SECISBP2L: variants seen among roughly 807,000 people sequenced by gnomAD.
SECISBP2L encodes the protein selenocysteine insertion sequence-binding protein 2-like.
In SECISBP2L, 43 loss-of-function variants were observed where a neutral mutation model predicts 114.7. The ratio of observed to expected loss-of-function variants is 0.38; its 90% confidence interval spans 0.29 to 0.48. The LOEUF (loss-of-function observed/expected upper bound fraction) is 0.48. Ranked by LOEUF, SECISBP2L falls within the 20% of genes least tolerant of loss-of-function variation. The pLI, the probability that SECISBP2L is intolerant of heterozygous loss-of-function variation, is 0.98. For synonymous variants in SECISBP2L, 451 were observed against 439.7 expected, an observed-to-expected ratio of 1.03 and a Z score of -0.32; for missense variants, 1,136 against 1,301.1, an observed-to-expected ratio of 0.87 and a Z score of 1.95.
chr15:49,018,895 T>C (rs775937026), intron 8 of SECISBP2L, among the ~76,000 whole-genome samples: 1 of 152,180 alleles, frequency 6.6e-6, no homozygotes, highest in Admixed American at 6.5e-5. Flanking sequence ...TTCACCTTAA[T>C]GTATCATTCA....
At chr15:49,033,827 G>GTCAA (rs141119807) in intron 3 of SECISBP2L, among the ~76,000 whole-genome samples, 195 of 152,174 alleles carry the variant, frequency 1.3e-3, no homozygotes, top group Admixed American at 2.6e-3. Context: ...GACCGACCCT[G>GTCAA]TCAATCAATC....
intron 13 of SECISBP2L, among the ~76,000 whole-genome samples, chr15:49,010,498 T>G (rs529369833): frequency 2.0e-5 from 3 of 152,056 alleles, no homozygotes; most frequent in East Asian, 1.9e-4. Flanking sequence ...CACATGGTGT[T>G]TTTTTTTGGT....
In SECISBP2L at chr15:48,991,998, A is replaced by G. The variant is rs186993845; in HGVS notation, c.*246T>C. 4 of 379,108 alleles carry G rather than the reference A, an allele frequency of 1.1e-5. No individual in the cohort carries two copies. The highest frequency in any genetic ancestry group is 4.1e-5 in the African/African-American group (2 of 48,642). 23.5% of individuals were successfully genotyped at this position (379,108 alleles called of 1,614,324 possible). ...TTCTTTAAGATCTGGTCTTCTTTTT[A>G]TCACTGTTTTTGATTACAAAATAAG... On this transcript the variant is annotated 3_prime_UTR_variant, in exon 18 of 18. Coordinates refer to ENST00000559471, the MANE Select transcript of SECISBP2L (RefSeq NM_001193489.2).
chr15:49,035,541 T>C lies in SECISBP2L; in HGVS notation c.321A>G (p.Thr107=), dbSNP rs771215325. 1.9e-6 allele frequency: 3 copies of C among 1,614,202 alleles called. No homozygotes were observed. The highest frequency in any genetic ancestry group is 1.7e-6 in the Non-Finnish European group (2 of 1,180,020). ...SAQPPVSTEY[T]YYQLMPAPCA... is the part of the protein sequence containing the mutation. The stretch of plus-strand genomic sequence containing the variant: ...ATGGTGCTGGCATCAGCTGATAATA[T>C]GTATACTCTGTAGAAACAGGCGGCT... Residue 107 remains threonine (T), a synonymous_variant, in exon 3 of 18, where the codon ACA becomes ACG. Coordinates refer to ENST00000559471, the MANE Select transcript of SECISBP2L (RefSeq NM_001193489.2).
chr15:49,021,859 G>A (rs373775905), intron 7 of SECISBP2L, among the ~76,000 whole-genome samples: 3 of 152,136 alleles, frequency 2.0e-5, no homozygotes, highest in African/African-American at 4.8e-5. Flanking sequence ...ACCTCAGGAC[G>A]TCGAAATACT....
Position 49,028,668 on chromosome 15 carries a change from T to C in SECISBP2L, c.679A>G (p.Ile227Val), listed in dbSNP as rs749789471. The change falls in exon 5 of 18, where the codon ATC becomes GTC. Residue 227 changes from isoleucine (I) to valine (V), a missense_variant. Ile to Val is a conservative substitution (Grantham distance 29, BLOSUM62 3). Coordinates refer to ENST00000559471, the MANE Select transcript of SECISBP2L (RefSeq NM_001193489.2). ...GTCTCTGAGAGAGACTTGTTAGCGA[T>C]ATCTGATGGGAAATCTACAAAGGCA... ...ASQQTDFPSD[I>V]ANKSLSETTA... 3.7e-6 allele frequency: 6 copies of C among 1,613,934 alleles called. No homozygotes were observed. The Admixed American group carries it at 6.7e-5, about 18-fold the overall frequency.
intron 7 of SECISBP2L, among the ~76,000 whole-genome samples, chr15:49,021,284 G>A (rs1467914089): frequency 6.6e-6 from 1 of 152,060 alleles, no homozygotes; most frequent in African/African-American, 2.4e-5. Context: ...TTGTTTATAA[G>A]TCACTGAGTC....
chr15:49,010,434 A>C (rs1372751344), intron 13 of SECISBP2L, among the ~76,000 whole-genome samples: 2 of 152,110 alleles, frequency 1.3e-5, no homozygotes, highest in Non-Finnish European at 2.9e-5. Flanking sequence ...TAAACAGCTA[A>C]ACTCAGGAAA....
chr15:49,032,443 T>C (rs1330666729), intron 4 of SECISBP2L, among the ~76,000 whole-genome samples: 1 of 152,224 alleles, frequency 6.6e-6, no homozygotes, highest in Non-Finnish European at 1.5e-5. Flanking sequence ...TGTACAGTCC[T>C]CTAAAAATTT....
chr15:48,992,377 A>C lies in SECISBP2L; in HGVS notation c.3173T>G (p.Val1058Gly), dbSNP rs1243437837. Residue 1058 changes from valine (V) to glycine (G), a missense_variant, in exon 18 of 18, where the codon GTG (valine) becomes GGG (glycine). Coordinates refer to ENST00000559471, the MANE Select transcript of SECISBP2L (RefSeq NM_001193489.2). ...SGEEEAEAPE[V>G]LEPGMDSEAW... ...CTCACTGTCCATCCCTGGCTCCAGC[A>C]CCTCAGGCGCCTCTGCTTCCTCTTC... 1 of 1,613,948 alleles carries C rather than the reference A, an allele frequency of 6.2e-7. No individual in the cohort carries two copies.
At chr15:49,040,935 T>C (rs1903115949) in intron 1 of SECISBP2L, among the ~76,000 whole-genome samples, 1 of 150,854 alleles carries the variant, frequency 6.6e-6, no homozygotes, top group East Asian at 2.0e-4. Context: ...TATATTATTA[T>C]ACAAATAAAA....
chr15:49,027,614 T>A, intron 6 of SECISBP2L, 134 bp from the exon 7 acceptor site: 3 of 476,950 alleles, frequency 6.3e-6, no homozygotes, highest in East Asian at 3.4e-5. Context: ...CTTATTATTT[T>A]TTTTTTTTTT....
intron 14 of SECISBP2L, 100 bp from the exon 15 acceptor site, chr15:49,001,197 TAAG>T (rs1902200792): frequency 1.3e-6 from 1 of 741,402 alleles, no homozygotes; most frequent in Non-Finnish European, 2.1e-6. Flanking sequence ...ATATATATGG[TAAG>T]AAGTTTTCAT....
At position 49,011,716 on chromosome 15, in the gene SECISBP2L, G is replaced by A. The variant is rs201309682; in HGVS notation, c.1864+15C>T. 4 of 1,613,446 alleles carry A rather than the reference G, an allele frequency of 2.5e-6. No homozygotes were observed. The African/African-American group carries it at 5.3e-5, about 22-fold the overall frequency. On this transcript the variant is annotated intron_variant, in intron 13 of 17. Transcript: ENST00000559471. ...GACCATTCCATGAGAAGAGGAGAAAGGGGGAGCTCCTTACCTTCCTGGGAA... is the reference window on the plus strand; with the variant it reads ...GACCATTCCATGAGAAGAGGAGAAAAGGGGAGCTCCTTACCTTCCTGGGAA...
chr15:49,001,459 C>CTTTTTTTTTTTTTTTTTTTTT (rs35210250), intron 14 of SECISBP2L, among the ~76,000 whole-genome samples: 1 of 144,512 alleles, frequency 6.9e-6, no homozygotes. Context: ...ACATCGTATT[C>CTTTTTTTTTTTTTTTTTTTTT]TTTTTTTTTT....
intron 3 of SECISBP2L, among the ~76,000 whole-genome samples, chr15:49,034,664 C>CTTTT (rs745310543): frequency 4.7e-5 from 3 of 63,372 alleles, no homozygotes; most frequent in Non-Finnish European, 7.5e-5. Context: ...GAAAGTATAT[C>CTTTT]TTTTGTTTTT....
At chr15:49,010,403 G>A (rs113724909) in intron 13 of SECISBP2L, among the ~76,000 whole-genome samples, 4 of 151,630 alleles carry the variant, frequency 2.6e-5, no homozygotes, top group African/African-American at 4.8e-5. Flanking sequence ...TGTCTCCTTC[G>A]TTTAGTTATT....
rs1278453913 is a variant in SECISBP2L, at chr15:49,029,769, AC to A, written c.665-1088del. Among the ~76,000 whole-genome samples the A allele has an allele frequency of 3.9e-5, 6 of 152,214 alleles. No individual in the cohort carries two copies. In the East Asian group the frequency reaches 1.2e-3, roughly 29 times the overall value. On this transcript the variant is annotated intron_variant, in intron 4 of 17. Transcript: ENST00000559471. ...CAGTTATACTCCAACAGTAGTATAT[AC>A]CCCCAATGATCCACATATTCATTAA...
intron 7 of SECISBP2L, among the ~76,000 whole-genome samples, chr15:49,024,496 CAAAA>C (rs72031518): frequency 2.4e-5 from 2 of 82,768 alleles, no homozygotes; most frequent in Non-Finnish European, 5.4e-5. Flanking sequence ...GACTCTGTCT[CAAAA>C]AAAAAAAAAA....
Sources: gnomAD v4.1 joint callset for allele counts (sites outside exome capture counted in the v4.1 genomes callset) on GRCh38, gnomAD v4.1.1 for gene constraint, MANE v1.5 for transcripts, NCBI Gene and HGNC (gene_info 2026-07-23, HGNC 2026-07-21) for gene names.